LINC00305: variants seen among roughly 807,000 people sequenced by gnomAD.
LINC00305 encodes long independently transcribed non-coding RNA 305, also known as long intergenic non-protein coding RNA 305.
intron 1 of LINC00305, among the ~76,000 whole-genome samples, chr18:64,136,603 T>A (rs1320347666): frequency 6.6e-6 from 1 of 152,124 alleles, no homozygotes; most frequent in East Asian, 1.9e-4. Context: ...CAAATCAAGG[T>A]GAGATTTGGG....
At chr18:64,101,493 T>G (rs1265599727) in intron 1 of LINC00305, among the ~76,000 whole-genome samples, 2 of 152,180 alleles carry the variant, frequency 1.3e-5, no homozygotes, top group Non-Finnish European at 2.9e-5. Flanking sequence ...TCTGCCCCCA[T>G]TGTCACATGG....
At chr18:64,093,604 G>C (rs2051233358) in intron 3 of LINC00305, among the ~76,000 whole-genome samples, 1 of 152,176 alleles carries the variant, frequency 6.6e-6, no homozygotes, top group Non-Finnish European at 1.5e-5. Context: ...AAAGTGCTGG[G>C]ATCACAGGCA....
chr18:64,088,983 G>A (rs566530502), intron 3 of LINC00305, among the ~76,000 whole-genome samples: 185 of 152,316 alleles, frequency 1.2e-3, no homozygotes, highest in Non-Finnish European at 2.1e-3. Context: ...GAGCCAAGGA[G>A]ACAGAGCTAC....
intron 3 of LINC00305, among the ~76,000 whole-genome samples, chr18:64,096,356 A>T (rs2051245109): frequency 6.6e-6 from 1 of 151,972 alleles, no homozygotes; most frequent in Non-Finnish European, 1.5e-5. Context: ...ATGTAAAATT[A>T]TCAATGTCCG....
intron 1 of LINC00305, among the ~76,000 whole-genome samples, chr18:64,127,832 C>T (rs1453481500): frequency 6.6e-6 from 1 of 152,084 alleles, no homozygotes; most frequent in Non-Finnish European, 1.5e-5. Context: ...AATAATAGGG[C>T]TGAATTTCTC....
At chr18:64,080,330 A>T in exon 4 of LINC00305, 1 of 457,646 alleles carries the variant, frequency 2.2e-6, no homozygotes, top group South Asian at 1.5e-5. Context: ...CTTCTCTTTG[A>T]CAACCATGTG....
At chr18:64,131,990 C>G (rs140967190) in intron 1 of LINC00305, among the ~76,000 whole-genome samples, 153 of 152,248 alleles carry the variant, frequency 1.0e-3, no homozygotes, top group African/African-American at 3.5e-3. Context: ...CCCCTGGATT[C>G]AAGGGTGTTC....
chr18:64,118,131 G>A (rs529653642), intron 1 of LINC00305, among the ~76,000 whole-genome samples: 1 of 152,258 alleles, frequency 6.6e-6, no homozygotes, highest in Non-Finnish European at 1.5e-5. Context: ...GTCAGGGGGT[G>A]TCTCTGGTAT....
intron 1 of LINC00305, among the ~76,000 whole-genome samples, chr18:64,130,048 G>A (rs2051402463): frequency 6.6e-6 from 1 of 151,284 alleles, no homozygotes; most frequent in South Asian, 2.1e-4. Context: ...TGTTACATAT[G>A]TATACATGTG....
At chr18:64,080,865 T>C (rs541850970) in intron 3 of LINC00305, among the ~76,000 whole-genome samples, 1 of 152,304 alleles carries the variant, frequency 6.6e-6, no homozygotes, top group South Asian at 2.1e-4. Flanking sequence ...CCTTCACTTA[T>C]TTTAAATCTT....
chr18:64,125,122 C>A (rs550301949), intron 1 of LINC00305, among the ~76,000 whole-genome samples: 1 of 152,238 alleles, frequency 6.6e-6, no homozygotes, highest in African/African-American at 2.4e-5. Context: ...TCCTTGAAAT[C>A]TTGCTAAGAC....
At chr18:64,089,383 CAATT>C (rs1335981915) in intron 3 of LINC00305, among the ~76,000 whole-genome samples, 4 of 152,178 alleles carry the variant, frequency 2.6e-5, no homozygotes, top group Admixed American at 6.5e-5. Context: ...AACTGTGAGT[CAATT>C]AAGCCTCTTT....
intron 1 of LINC00305, among the ~76,000 whole-genome samples, chr18:64,115,570 T>C (rs1230304577): frequency 6.6e-6 from 1 of 152,106 alleles, no homozygotes; most frequent in African/African-American, 2.4e-5. Context: ...TGTACTAAGA[T>C]ATTATAGAAC....
chr18:64,090,231 GGC>G (rs1447520243), intron 3 of LINC00305, among the ~76,000 whole-genome samples: 2 of 152,128 alleles, frequency 1.3e-5, no homozygotes, highest in Non-Finnish European at 2.9e-5. Context: ...AAAATATCAT[GGC>G]TACAATAGAC....
chr18:64,093,245 A>G (rs1405639148), intron 3 of LINC00305, among the ~76,000 whole-genome samples: 2 of 152,230 alleles, frequency 1.3e-5, no homozygotes, highest in African/African-American at 2.4e-5. Context: ...AAAGTTCACA[A>G]CTTCCCCACA....
chr18:64,148,559 T>A (rs1326160909), intron 1 of LINC00305, among the ~76,000 whole-genome samples: 1 of 151,876 alleles, frequency 6.6e-6, no homozygotes, highest in Non-Finnish European at 1.5e-5. Context: ...TCCAAAGAAG[T>A]GGGGAAGGAA....
intron 1 of LINC00305, among the ~76,000 whole-genome samples, chr18:64,132,626 G>A (rs1207732849): frequency 6.6e-6 from 1 of 152,160 alleles, no homozygotes; most frequent in East Asian, 1.9e-4. Flanking sequence ...CTGAGTGGCA[G>A]ATTCTGAATT....
chr18:64,087,042 C>T (rs2051206114), intron 3 of LINC00305, among the ~76,000 whole-genome samples: 1 of 152,088 alleles, frequency 6.6e-6, no homozygotes, highest in Non-Finnish European at 1.5e-5. Flanking sequence ...GAATTCTGAT[C>T]CAAATATTGT....
chr18:64,121,943 G>A (rs1424481919), intron 1 of LINC00305, among the ~76,000 whole-genome samples: 1 of 152,128 alleles, frequency 6.6e-6, no homozygotes, highest in Non-Finnish European at 1.5e-5. Flanking sequence ...AATTAGTGAT[G>A]TTGAGCATTT....
Sources: allele counts gnomAD v4.1 joint callset (sites outside exome capture counted in the v4.1 genomes callset), GRCh38; gene constraint gnomAD v4.1.1; transcripts MANE v1.5; gene names NCBI Gene and HGNC (gene_info 2026-07-23, HGNC 2026-07-21).